The following OCA2 variants were observed in gnomAD, a reference collection of about 807,000 sequenced individuals.
The protein encoded by OCA2 is P protein.
In OCA2, 77 loss-of-function variants were observed where a neutral mutation model predicts 100.2. That is an observed-to-expected ratio of 0.77 (90% CI 0.64 to 0.93). The LOEUF is 0.93. Ranked by LOEUF, OCA2 falls within the 40% of genes least tolerant of loss-of-function variation. The probability of loss-of-function intolerance (pLI) is 0.00; values close to 1 mark genes in which losing one functional copy is unlikely to be tolerated. For synonymous variants in OCA2, 432 were observed against 439.2 expected, an observed-to-expected ratio of 0.98 and a Z score of 0.21; for missense variants, 1,062 against 1,089.1, an observed-to-expected ratio of 0.98 and a Z score of 0.35.
At chr15:27,987,664 G>A (rs2041406673) in intron 11 of OCA2, among the ~76,000 whole-genome samples, 2 of 151,972 alleles carry the variant, frequency 1.3e-5, no homozygotes, top group African/African-American at 2.4e-5. Flanking sequence ...AGGACGGGGA[G>A]CTTGCAGTGA....
chr15:27,853,692 A>G (rs2035848182), intron 21 of OCA2, among the ~76,000 whole-genome samples: 1 of 151,938 alleles, frequency 6.6e-6, no homozygotes, highest in Non-Finnish European at 1.5e-5. Context: ...GAGGCTCCGG[A>G]GAATGGAGAG....
At chr15:27,790,787 A>T (rs1303996937) in intron 23 of OCA2, among the ~76,000 whole-genome samples, 2 of 141,156 alleles carry the variant, frequency 1.4e-5, no homozygotes, top group Non-Finnish European at 1.5e-5. Context: ...ATTACCCTGA[A>T]TTTTTTTTTT....
At chr15:27,792,747 A>G (rs1333214026) in intron 23 of OCA2, among the ~76,000 whole-genome samples, 1 of 152,214 alleles carries the variant, frequency 6.6e-6, no homozygotes, top group East Asian at 1.9e-4. Context: ...GGCGTAAGCT[A>G]CTGTAGGCCA....
At chr15:27,840,923 A>T (rs1011879994) in intron 23 of OCA2, among the ~76,000 whole-genome samples, 1 of 152,174 alleles carries the variant, frequency 6.6e-6, no homozygotes, top group African/African-American at 2.4e-5. Context: ...CACATTAAAA[A>T]TTTTTTTGAC....
Position 27,989,591 on chromosome 15 carries a change from C to A in OCA2, c.1182+10G>T, listed in dbSNP as rs771515160. The A allele has an allele frequency of 6.2e-7, 1 of 1,613,080 alleles. No homozygotes were observed. Among genetic ancestry groups the A allele is most frequent in the South Asian group, 1.1e-5 (1 of 91,042 alleles). On this transcript the variant is annotated intron_variant, in intron 11 of 23. Transcript: ENST00000354638. ...GTGGAGCCCAGTCCCACGGGGAGAG[C>A]TGTAATTACCATGCCAAACAGCAGG...
intron 14 of OCA2, among the ~76,000 whole-genome samples, chr15:27,967,536 T>C (rs1379342476): frequency 6.6e-6 from 1 of 152,214 alleles, no homozygotes; most frequent in African/African-American, 2.4e-5. Flanking sequence ...TATTTGCCCA[T>C]TTAAAGGTAA....
chr15:27,875,464 A>G (rs1424844013), intron 19 of OCA2, among the ~76,000 whole-genome samples: 1 of 151,976 alleles, frequency 6.6e-6, no homozygotes, highest in Non-Finnish European at 1.5e-5. Flanking sequence ...CCTTTTGGGG[A>G]AAAAAATGCT....
intron 2 of OCA2, among the ~76,000 whole-genome samples, chr15:28,047,684 T>A (rs2043385859): frequency 6.6e-6 from 1 of 152,028 alleles, no homozygotes; most frequent in African/African-American, 2.4e-5. Flanking sequence ...AGACTGAAAA[T>A]TTTCCCCCTA....
At chr15:27,885,012 C>T (rs1464126671) in intron 19 of OCA2, among the ~76,000 whole-genome samples, 1 of 152,140 alleles carries the variant, frequency 6.6e-6, no homozygotes, top group East Asian at 1.9e-4. Context: ...AGTGAATGAA[C>T]TTTCTTTCAC....
intron 18 of OCA2, among the ~76,000 whole-genome samples, chr15:27,934,148 T>G (rs921808399): frequency 6.6e-6 from 1 of 151,976 alleles, no homozygotes; most frequent in African/African-American, 2.4e-5. Flanking sequence ...ATTATTTTTC[T>G]TACTACAACA....
intron 21 of OCA2, among the ~76,000 whole-genome samples, chr15:27,861,294 A>C (rs867568984): frequency 1.3e-5 from 2 of 152,258 alleles, no homozygotes; most frequent in South Asian, 4.2e-4. Context: ...GGAAAGATGG[A>C]ATCAGGATTT....
At chr15:28,045,513 T>G (rs2043322397) in intron 2 of OCA2, among the ~76,000 whole-genome samples, 1 of 150,500 alleles carries the variant, frequency 6.6e-6, no homozygotes, top group Non-Finnish European at 1.5e-5. Context: ...ATGTGTAGAT[T>G]TACAAAGCTG....
the OCA2 span, among the ~76,000 whole-genome samples, chr15:27,745,437 A>C: frequency 6.6e-6 from 1 of 152,222 alleles, no homozygotes; most frequent in African/African-American, 2.4e-5. Flanking sequence ...CCAAGTCTGG[A>C]TCTGTTTAGT....
chr15:27,724,537 A>G, the OCA2 span, among the ~76,000 whole-genome samples: 188 of 152,180 alleles, frequency 1.2e-3, no homozygotes, highest in Admixed American at 3.3e-3. Context: ...TAGGACTTCA[A>G]CATTTCTTTT....
intron 2 of OCA2, among the ~76,000 whole-genome samples, chr15:28,074,241 A>C (rs2044355217): frequency 6.6e-6 from 1 of 152,212 alleles, no homozygotes. Flanking sequence ...GATGGAACAG[A>C]ATAGAGATTT....
intron 21 of OCA2, among the ~76,000 whole-genome samples, chr15:27,859,877 C>G (rs1476372334): frequency 6.6e-6 from 1 of 151,846 alleles, no homozygotes; most frequent in Non-Finnish European, 1.5e-5. Flanking sequence ...GATAGCAGCA[C>G]TCAGGAAACA....
At chr15:28,004,842 C>A (rs949090721) in intron 9 of OCA2, among the ~76,000 whole-genome samples, 1 of 152,070 alleles carries the variant, frequency 6.6e-6, no homozygotes, top group African/African-American at 2.4e-5. Context: ...TGTACTAACA[C>A]ACACACAGTC....
chr15:27,960,512 TCTTATTGTTCCTTA>T (rs1210060125), intron 15 of OCA2, among the ~76,000 whole-genome samples: 1 of 152,164 alleles, frequency 6.6e-6, no homozygotes, highest in Non-Finnish European at 1.5e-5. Flanking sequence ...ATTTCTTAAT[TCTTATTGTTCCTTA>T]GTAACCTTTA....
At chr15:27,725,167 C>T in the OCA2 span, among the ~76,000 whole-genome samples, 1 of 152,198 alleles carries the variant, frequency 6.6e-6, no homozygotes, top group South Asian at 2.1e-4. Context: ...CCTCGAAGGG[C>T]CACACATACA....
Sources: allele counts gnomAD v4.1 joint callset (sites outside exome capture counted in the v4.1 genomes callset), GRCh38; gene constraint gnomAD v4.1.1; transcripts MANE v1.5; gene names NCBI Gene and HGNC (gene_info 2026-07-23, HGNC 2026-07-21).